IP6K1: variants seen among roughly 807,000 people sequenced by gnomAD.
IP6K1 encodes ATP:1D-myo-inositol-hexakisphosphate phosphotransferase.
Under a neutral mutation model 38.3 loss-of-function variants are expected in IP6K1, and 13 were observed. The ratio of observed to expected loss-of-function variants is 0.34; its 90% confidence interval spans 0.22 to 0.54. The LOEUF is 0.54. Among genes scored for constraint, IP6K1 ranks in the 20% least tolerant of loss-of-function variants. The pLI, the probability that IP6K1 is intolerant of heterozygous loss-of-function variation, is 0.92. For synonymous variants in IP6K1, 212 were observed against 229.9 expected, an observed-to-expected ratio of 0.92 and a Z score of 0.70; for missense variants, 397 against 599.8, an observed-to-expected ratio of 0.66 and a Z score of 3.53.
chr3:49,782,085 T>C (rs1377882723), intron 1 of IP6K1, among the ~76,000 whole-genome samples: 1 of 151,422 alleles, frequency 6.6e-6, no homozygotes, highest in Non-Finnish European at 1.5e-5. Flanking sequence ...GAGTAAGACC[T>C]GTCTCAAAAA....
At chr3:49,771,188 C>CAAAAA (rs35601566) in intron 1 of IP6K1, among the ~76,000 whole-genome samples, 69 of 72,400 alleles carry the variant, frequency 9.5e-4, no homozygotes, top group Non-Finnish European at 1.2e-3. Context: ...AACTCAGTAA[C>CAAAAA]AAAAAAAAAA....
At chr3:49,771,736 T>C (rs1022784449) in intron 1 of IP6K1, among the ~76,000 whole-genome samples, 1 of 152,040 alleles carries the variant, frequency 6.6e-6, no homozygotes, top group Non-Finnish European at 1.5e-5. Flanking sequence ...ACAAAAAACC[T>C]TTGCAAAAAA....
intron 1 of IP6K1, among the ~76,000 whole-genome samples, chr3:49,750,515 C>T (rs1016356495): frequency 2.0e-5 from 3 of 151,900 alleles, no homozygotes; most frequent in Middle Eastern, 3.4e-3. Flanking sequence ...GCCAACATGG[C>T]GAAACCCCGT....
intron 1 of IP6K1, among the ~76,000 whole-genome samples, chr3:49,760,928 G>C (rs1434812047): frequency 6.6e-6 from 1 of 152,186 alleles, no homozygotes; most frequent in East Asian, 1.9e-4. Context: ...TTCTCAGAGT[G>C]AGGTAATATA....
chr3:49,744,717 T>G (rs2080706506), intron 2 of IP6K1, among the ~76,000 whole-genome samples: 1 of 152,156 alleles, frequency 6.6e-6, no homozygotes, highest in African/African-American at 2.4e-5. Context: ...AACTCAGGAT[T>G]TGGTTACTAG....
At chr3:49,777,690 G>A (rs531816091) in intron 1 of IP6K1, among the ~76,000 whole-genome samples, 19 of 151,826 alleles carry the variant, frequency 1.3e-4, no homozygotes, top group African/African-American at 2.9e-4. Context: ...CGAGATGGGC[G>A]GATCACAAGG....
intron 1 of IP6K1, among the ~76,000 whole-genome samples, chr3:49,780,309 T>TCCACACACACACACACACAC (rs374570572): frequency 8.5e-6 from 1 of 117,546 alleles, no homozygotes; most frequent in African/African-American, 3.1e-5. Context: ...TCATCTTTCA[T>TCCACACACACACACACACAC]ACACACACAC....
intron 2 of IP6K1, among the ~76,000 whole-genome samples, chr3:49,745,852 TCAAA>T (rs2080716703): frequency 9.0e-6 from 1 of 110,644 alleles, no homozygotes; most frequent in Admixed American, 1.0e-4. Context: ...AGACTCTGTC[TCAAA>T]AAAAAAAAAA....
chr3:49,767,689 T>C (rs1020372541), intron 1 of IP6K1, among the ~76,000 whole-genome samples: 2 of 152,108 alleles, frequency 1.3e-5, no homozygotes, highest in African/African-American at 4.8e-5. Flanking sequence ...GTGGATCACT[T>C]AAGCCCAAGA....
At chr3:49,743,989 G>A (rs1190457277) in intron 2 of IP6K1, among the ~76,000 whole-genome samples, 1 of 152,102 alleles carries the variant, frequency 6.6e-6, no homozygotes, top group African/African-American at 2.4e-5. Flanking sequence ...TTATTACTGT[G>A]TTGTAATGTC....
At chr3:49,750,237 G>A (rs1412223166) in intron 1 of IP6K1, among the ~76,000 whole-genome samples, 3 of 152,106 alleles carry the variant, frequency 2.0e-5, no homozygotes, top group Non-Finnish European at 4.4e-5. Flanking sequence ...CCCTGGCCCC[G>A]GTCAGGCTGA....
chr3:49,757,492 G>C (rs1369959976), intron 1 of IP6K1, among the ~76,000 whole-genome samples: 2 of 152,144 alleles, frequency 1.3e-5, no homozygotes. Context: ...GGGAGGCTGA[G>C]ATGTGTGGAT....
At chr3:49,734,913 G>A (rs2080594231) in intron 3 of IP6K1, among the ~76,000 whole-genome samples, 1 of 152,192 alleles carries the variant, frequency 6.6e-6, no homozygotes, top group Admixed American at 6.5e-5. Flanking sequence ...CAGAGGTTTG[G>A]TCAGTACAGG....
rs752296772 is a variant in IP6K1, at chr3:49,748,067, G to C, written c.-27C>G. The stretch of plus-strand genomic sequence containing the variant: ...GCGTTGGGGGCCAGTTGCACACTGA[G>C]GGCAGAGGATGCAGCACATGGGCCA... On this transcript the variant is annotated 5_prime_UTR_variant, in exon 2 of 6. Coordinates refer to ENST00000321599, the MANE Select transcript of IP6K1 (RefSeq NM_153273.4). The C allele has an allele frequency of 1.2e-6, 2 of 1,611,856 alleles. No homozygotes were observed. The highest frequency in any genetic ancestry group is 4.5e-5 in the East Asian group (2 of 44,880).
chr3:49,729,416 A>AT (rs60773944), intron 4 of IP6K1, among the ~76,000 whole-genome samples: 41,094 of 147,232 alleles, frequency 0.28, 5,895 homozygotes, highest in Non-Finnish European at 0.31. Flanking sequence ...TTTTTATTTT[A>AT]TTTTTTTTTT....
At chr3:49,768,658 T>G (rs959212623) in intron 1 of IP6K1, among the ~76,000 whole-genome samples, 1 of 152,016 alleles carries the variant, frequency 6.6e-6, no homozygotes, top group Non-Finnish European at 1.5e-5. Flanking sequence ...TAATCCCAGC[T>G]ACTTGAGAGG....
At chr3:49,730,763 C>T (rs1305582727) in intron 4 of IP6K1, among the ~76,000 whole-genome samples, 1 of 152,024 alleles carries the variant, frequency 6.6e-6, no homozygotes, top group African/African-American at 2.4e-5. Context: ...GTTGCCTAGG[C>T]TGGAGTGCAA....
chr3:49,765,107 T>A (rs1035208604), intron 1 of IP6K1, among the ~76,000 whole-genome samples: 1 of 152,040 alleles, frequency 6.6e-6, no homozygotes, highest in Non-Finnish European at 1.5e-5. Flanking sequence ...ATAACATATA[T>A]AAGTCCTAAA....
intron 1 of IP6K1, among the ~76,000 whole-genome samples, chr3:49,776,256 C>T (rs1163542321): frequency 2.6e-5 from 4 of 152,050 alleles, no homozygotes; most frequent in Non-Finnish European, 4.4e-5. Context: ...GTGGCACACG[C>T]GTGTAATCCC....
Sources: gnomAD v4.1 joint callset for allele counts (sites outside exome capture counted in the v4.1 genomes callset) on GRCh38, gnomAD v4.1.1 for gene constraint, MANE v1.5 for transcripts, NCBI Gene and HGNC (gene_info 2026-07-23, HGNC 2026-07-21) for gene names.